The following SAMD3 variants were observed in gnomAD, a reference collection of about 807,000 sequenced individuals.
SAMD3 encodes sterile alpha motif domain containing 3.
A neutral mutation model predicts 58.5 loss-of-function variants in SAMD3; 63 were observed. The ratio of observed to expected loss-of-function variants is 1.08; its 90% CI spans 0.88 to 1.33. The LOEUF (loss-of-function observed/expected upper bound fraction) is 1.33. Among genes scored for constraint, SAMD3 ranks in the 40% most tolerant of loss-of-function variants. SAMD3 has a pLI of 0.00. For missense variants in SAMD3, 604 were observed against 608.4 expected, an observed-to-expected ratio of 0.99 and a Z score of 0.08; for synonymous variants, 220 against 210.3, an observed-to-expected ratio of 1.05 and a Z score of -0.40.
At chr6:130,308,302 C>A (rs777992313) in intron 2 of SAMD3, among the ~76,000 whole-genome samples, 1 of 151,744 alleles carries the variant, frequency 6.6e-6, no homozygotes. Context: ...TGGAGAGAGT[C>A]GAGGTCCTCA....
intron 5 of SAMD3, among the ~76,000 whole-genome samples, chr6:130,194,257 T>C (rs970028066): frequency 7.2e-5 from 11 of 152,230 alleles, no homozygotes; most frequent in Non-Finnish European, 1.2e-4. Flanking sequence ...AGACTCTTTT[T>C]CGTCAAATAT....
At chr6:130,332,482 G>A (rs1390148435) in intron 1 of SAMD3, among the ~76,000 whole-genome samples, 1 of 152,184 alleles carries the variant, frequency 6.6e-6, no homozygotes, top group African/African-American at 2.4e-5. Flanking sequence ...AAGTGGGACT[G>A]AAGAAGGTAG....
intron 7 of SAMD3, chr6:130,176,336 T>A (rs991941353): frequency 1.2e-4 from 37 of 308,098 alleles, no homozygotes; most frequent in African/African-American, 8.1e-4. Context: ...CTTTCCACTA[T>A]ACTCTGTCTC....
chr6:130,208,164 T>C (rs1265770103), intron 5 of SAMD3, among the ~76,000 whole-genome samples: 1 of 152,182 alleles, frequency 6.6e-6, no homozygotes, highest in Non-Finnish European at 1.5e-5. Flanking sequence ...GAGCTGATAG[T>C]GTAAAGGGGT....
intron 2 of SAMD3, among the ~76,000 whole-genome samples, chr6:130,297,502 G>A (rs1465081461): frequency 3.3e-5 from 5 of 152,182 alleles, no homozygotes; most frequent in African/African-American, 1.2e-4. Flanking sequence ...CCCCTCCGAA[G>A]GATTGCATTC....
intron 1 of SAMD3, among the ~76,000 whole-genome samples, chr6:130,359,184 T>C (rs564932400): frequency 3.9e-5 from 6 of 152,246 alleles, no homozygotes; most frequent in Non-Finnish European, 1.5e-5. Context: ...GTAAGTACTG[T>C]ATAATAATTT....
chr6:130,230,794 C>A (rs62431202), intron 2 of SAMD3, among the ~76,000 whole-genome samples: 21,703 of 152,136 alleles, frequency 0.14, 1,770 homozygotes, highest in East Asian at 0.36. Context: ...AAACATATTC[C>A]GACCTGCTTA....
chr6:130,350,067 T>C (rs1777604097), intron 1 of SAMD3, among the ~76,000 whole-genome samples: 1 of 152,208 alleles, frequency 6.6e-6, no homozygotes, highest in Admixed American at 6.5e-5. Flanking sequence ...TGATGTGATG[T>C]ATCTCAAAAT....
intron 8 of SAMD3, among the ~76,000 whole-genome samples, chr6:130,164,099 AAG>A (rs1554254160): frequency 6.6e-6 from 1 of 151,636 alleles, no homozygotes; most frequent in Non-Finnish European, 1.5e-5. Flanking sequence ...AAAAAAAAAA[AAG>A]AGGCACAAGT....
chr6:130,304,639 T>G (rs1052197843), intron 2 of SAMD3, among the ~76,000 whole-genome samples: 9 of 152,182 alleles, frequency 5.9e-5, no homozygotes, highest in African/African-American at 2.2e-4. Context: ...AGGAGAGTTT[T>G]GGCTCTTTTC....
chr6:130,328,079 C>T (rs1052407365), intron 1 of SAMD3, among the ~76,000 whole-genome samples: 2 of 152,170 alleles, frequency 1.3e-5, no homozygotes, highest in South Asian at 4.1e-4. Flanking sequence ...CTGAGTCTCC[C>T]ATTGAAGCTG....
At chr6:130,297,581 A>G (rs1054149126) in intron 2 of SAMD3, among the ~76,000 whole-genome samples, 1 of 152,318 alleles carries the variant, frequency 6.6e-6, no homozygotes, top group Non-Finnish European at 1.5e-5. Context: ...CAAAATATAA[A>G]TTGCAAGGAA....
intron 1 of SAMD3, among the ~76,000 whole-genome samples, chr6:130,220,957 C>G (rs1309859104): frequency 2.0e-5 from 3 of 152,046 alleles, no homozygotes; most frequent in Non-Finnish European, 1.5e-5. Context: ...GGGTTCATGC[C>G]ATTCTCCTGC....
chr6:130,162,791 A>G (rs1790387321), intron 8 of SAMD3, among the ~76,000 whole-genome samples: 1 of 152,234 alleles, frequency 6.6e-6, no homozygotes, highest in Non-Finnish European at 1.5e-5. Flanking sequence ...TGTTCTCTGC[A>G]AATTGTCATC....
At chr6:130,180,953 C>CTTTCTTT (rs56707260) in intron 7 of SAMD3, among the ~76,000 whole-genome samples, 2 of 117,356 alleles carry the variant, frequency 1.7e-5, no homozygotes, top group Non-Finnish European at 1.7e-5. Flanking sequence ...TTCTTTCTTT[C>CTTTCTTT]TTTTTTCTTT....
intron 2 of SAMD3, among the ~76,000 whole-genome samples, chr6:130,267,519 A>G (rs1357836269): frequency 2.0e-5 from 3 of 152,182 alleles, no homozygotes; most frequent in Non-Finnish European, 4.4e-5. Context: ...GAACAGAGAC[A>G]GACCCTCTCA....
chr6:130,333,188 C>T (rs1319965616), intron 1 of SAMD3, among the ~76,000 whole-genome samples: 1 of 151,862 alleles, frequency 6.6e-6, no homozygotes, highest in Non-Finnish European at 1.5e-5. Flanking sequence ...GGATTATGAC[C>T]TAGGTCTTTT....
intron 5 of SAMD3, among the ~76,000 whole-genome samples, chr6:130,202,028 A>T (rs976001511): frequency 6.6e-6 from 1 of 152,210 alleles, no homozygotes; most frequent in South Asian, 2.1e-4. Context: ...CCATGTCTAC[A>T]TAGTACCTAG....
chr6:130,262,826 T>A (rs1300109092), intron 2 of SAMD3, among the ~76,000 whole-genome samples: 1 of 152,160 alleles, frequency 6.6e-6, no homozygotes, highest in Non-Finnish European at 1.5e-5. Context: ...TTTCAAAATG[T>A]TAATTGAAAA....
Sources: allele counts gnomAD v4.1 joint callset (sites outside exome capture counted in the v4.1 genomes callset), GRCh38; gene constraint gnomAD v4.1.1; transcripts MANE v1.5; gene names NCBI Gene and HGNC (gene_info 2026-07-23, HGNC 2026-07-21).